PACRG: variants seen among roughly 807,000 people sequenced by gnomAD.
The protein encoded by PACRG is parkin coregulated gene protein.
In PACRG, 29 loss-of-function variants were observed where a neutral mutation model predicts 29.7. The observed-to-expected ratio is 0.98, with a 90% CI of 0.73 to 1.33. PACRG has a LOEUF of 1.33. Ranked by LOEUF, PACRG falls within the 40% of genes most tolerant of loss-of-function variation. The probability of loss-of-function intolerance (pLI) is 0.00; values close to 1 mark genes in which losing one functional copy is unlikely to be tolerated. For synonymous variants in PACRG, 116 were observed against 118.7 expected (o/e 0.98, Z 0.15); for missense variants, 279 against 316.2 (o/e 0.88, Z 0.89).
chr6:163,185,206 C>T (rs977280120), intron 4 of PACRG, among the ~76,000 whole-genome samples: 2 of 151,956 alleles, frequency 1.3e-5, no homozygotes, highest in Non-Finnish European at 2.9e-5. Context: ...GGAGTGCAGC[C>T]GTACGCTGGG....
chr6:163,227,173 C>CA (rs2128161419), intron 4 of PACRG, among the ~76,000 whole-genome samples: 1 of 152,278 alleles, frequency 6.6e-6, no homozygotes, highest in African/African-American at 2.4e-5. Flanking sequence ...GTACAGGAAG[C>CA]ATTGTGCTGC....
At chr6:163,213,487 T>C (rs1051324615) in intron 4 of PACRG, among the ~76,000 whole-genome samples, 2 of 152,234 alleles carry the variant, frequency 1.3e-5, no homozygotes, top group African/African-American at 4.8e-5. Flanking sequence ...GTTTGTTGCA[T>C]TTCAGTGCTT....
chr6:163,155,096 C>T (rs1166037185), intron 4 of PACRG, among the ~76,000 whole-genome samples: 1 of 152,184 alleles, frequency 6.6e-6, no homozygotes, highest in Admixed American at 6.5e-5. Flanking sequence ...CTCCCCATAC[C>T]TCTCTTCTAT....
rs867136740 is a variant in PACRG at position 162,981,909 on chromosome 6, T to A, written c.292-80241T>A. ...TGTGAATCCATCTGGTCCTGGATTTTTTTTTTTTTTTTTTGGTTGACAAAT... is the reference window on the plus strand; with the variant it reads ...TGTGAATCCATCTGGTCCTGGATTTATTTTTTTTTTTTTTGGTTGACAAAT... On this transcript the variant is annotated intron_variant, in intron 2 of 4. Transcript: ENST00000366888. Among the ~76,000 whole-genome samples, 558 of 151,232 alleles carry A rather than the reference T, an allele frequency of 3.7e-3. 3 individuals are homozygous for A. Among genetic ancestry groups the A allele is most frequent in the African/African-American group, 0.013 (536 of 41,250 alleles).
intron 2 of PACRG, among the ~76,000 whole-genome samples, chr6:162,857,862 C>G (rs961146935): frequency 6.6e-5 from 10 of 151,698 alleles, no homozygotes; most frequent in Non-Finnish European, 1.5e-4. Context: ...ACTGTGTTAC[C>G]TGTTTCAAAG....
At chr6:163,188,591 C>G (rs1333894915) in intron 4 of PACRG, among the ~76,000 whole-genome samples, 1 of 152,204 alleles carries the variant, frequency 6.6e-6, no homozygotes, top group East Asian at 1.9e-4. Context: ...AAGGTCGTCT[C>G]CAGCCTAGAA....
At position 162,957,375 on chromosome 6, in the gene PACRG, T is replaced by G. The variant is rs115684278; in HGVS notation, c.292-104775T>G. The G allele has an allele frequency of 2.9e-3, 1,768 of 620,146 alleles. 30 individuals are homozygous for G. In the African/African-American group the frequency reaches 0.03, roughly 11 times the overall value. 38.4% of individuals were successfully genotyped at this position (620,146 alleles called of 1,614,324 possible). ...AGGCCCTGCTGACATGTTTTTTTGT[T>G]TTGGACAATCTCATAAGAACTTTAG... On this transcript the variant is annotated intron_variant, in intron 2 of 4. Transcript: ENST00000366888.
At chr6:162,746,627 A>G (rs1011853798) in intron 1 of PACRG, among the ~76,000 whole-genome samples, 1 of 152,202 alleles carries the variant, frequency 6.6e-6, no homozygotes, top group African/African-American at 2.4e-5. Context: ...ATCAAATATA[A>G]CTTTTACATA....
chr6:162,971,014 G>A (rs1184540001), intron 2 of PACRG, among the ~76,000 whole-genome samples: 1 of 152,162 alleles, frequency 6.6e-6, no homozygotes, highest in Non-Finnish European at 1.5e-5. Flanking sequence ...AAACGGATAG[G>A]TTAGATCCAG....
In PACRG at chr6:162,921,272, A is replaced by AC. The variant is rs147211865; in HGVS notation, c.291+106993dup. On this transcript the variant is annotated intron_variant, in intron 2 of 4. Coordinates refer to ENST00000366888, the MANE Select transcript of PACRG (RefSeq NM_001080379.2). ...GCACAATCTCATCTCCTGCTAGAAG[A>AC]CCGGGGGGAGCAGTGAGGGCCGCCA... is the stretch of plus-strand genomic sequence containing the variant. 1.1e-4 allele frequency among the ~76,000 whole-genome samples: 17 copies of AC among 152,242 alleles called. No individual in the cohort carries two copies. The East Asian group carries it at 3.1e-3, about 28-fold the overall frequency.
intron 2 of PACRG, among the ~76,000 whole-genome samples, chr6:163,059,905 T>C (rs545429165): frequency 9.2e-5 from 14 of 152,202 alleles, no homozygotes; most frequent in Admixed American, 4.6e-4. Context: ...CAAGGAAAAA[T>C]AGACATGTCA....
intron 4 of PACRG, among the ~76,000 whole-genome samples, chr6:163,295,208 T>A (rs1395921751): frequency 6.6e-6 from 1 of 152,242 alleles, no homozygotes; most frequent in Admixed American, 6.5e-5. Flanking sequence ...ACTTTTATAA[T>A]TATTCTAGGC....
intron 4 of PACRG, among the ~76,000 whole-genome samples, chr6:163,232,403 C>A (rs1782081187): frequency 6.6e-6 from 1 of 152,010 alleles, no homozygotes; most frequent in African/African-American, 2.4e-5. Context: ...AGACCAACGC[C>A]CACACTTTGT....
Position 162,983,560 on chromosome 6 carries a change from A to G in PACRG, c.292-78590A>G, listed in dbSNP as rs550081040. Among the ~76,000 whole-genome samples, 11 of 123,128 alleles carry G rather than the reference A, an allele frequency of 8.9e-5. No individual in the cohort carries two copies. In the East Asian group the frequency reaches 4.3e-3, roughly 48 times the overall value. 80.8% of individuals were successfully genotyped at this position (123,128 alleles called of 152,430 possible). On this transcript the variant is annotated intron_variant, in intron 2 of 4. Coordinates refer to ENST00000366888, the MANE Select transcript of PACRG (RefSeq NM_001080379.2). Reference sequence around the variant, plus strand: ...CTGAAAAAGACTTTATCTCTCTTTCATTTAGGAATCAGTTTTGCTGGATAC... The same window carrying G: ...CTGAAAAAGACTTTATCTCTCTTTCGTTTAGGAATCAGTTTTGCTGGATAC...
At chr6:162,798,230 G>A (rs1785545179) in intron 1 of PACRG, among the ~76,000 whole-genome samples, 1 of 152,064 alleles carries the variant, frequency 6.6e-6, no homozygotes, top group South Asian at 2.1e-4. Context: ...AGTGTCATTT[G>A]TTTATGTATT....
intron 4 of PACRG, among the ~76,000 whole-genome samples, chr6:163,146,021 G>A (rs1250071472): frequency 6.6e-6 from 1 of 152,140 alleles, no homozygotes; most frequent in Non-Finnish European, 1.5e-5. Context: ...TGTATAAGTA[G>A]CAGTCACATT....
At chr6:162,803,222 A>G (rs1786029247) in intron 1 of PACRG, among the ~76,000 whole-genome samples, 2 of 152,200 alleles carry the variant, frequency 1.3e-5, no homozygotes, top group Non-Finnish European at 2.9e-5. Context: ...AGGAAGGAGA[A>G]AAGAAAAGAG....
chr6:163,099,296 C>T (rs560926125), intron 4 of PACRG, among the ~76,000 whole-genome samples: 6 of 152,128 alleles, frequency 3.9e-5, no homozygotes, highest in South Asian at 2.1e-4. Context: ...TCAGAGATTG[C>T]GACCAATTCA....
At chr6:162,795,793 A>G (rs1409720358) in intron 1 of PACRG, among the ~76,000 whole-genome samples, 1 of 152,170 alleles carries the variant, frequency 6.6e-6, no homozygotes, top group Non-Finnish European at 1.5e-5. Context: ...AAACTTCTTC[A>G]AATAGATCTT....
Sources: gnomAD v4.1 joint callset for allele counts (sites outside exome capture counted in the v4.1 genomes callset) on GRCh38, gnomAD v4.1.1 for gene constraint, MANE v1.5 for transcripts, NCBI Gene and HGNC (gene_info 2026-07-23, HGNC 2026-07-21) for gene names.